CCBE1: variants seen among roughly 807,000 people sequenced by gnomAD.
CCBE1 encodes the protein collagen and calcium-binding EGF domain-containing protein 1.
In CCBE1, 37 loss-of-function variants were observed where a neutral mutation model predicts 50.0. The observed-to-expected ratio is 0.74, with a 90% confidence interval of 0.57 to 0.97. CCBE1 has a LOEUF of 0.97. Ranked by LOEUF, CCBE1 falls within the 50% of genes least tolerant of loss-of-function variation. The probability of loss-of-function intolerance (pLI) is 0.00; values close to 1 mark genes in which losing one functional copy is unlikely to be tolerated. For missense variants in CCBE1, 538 were observed against 523.8 expected, an observed-to-expected ratio of 1.03 and a Z score of -0.26; for synonymous variants, 234 against 203.7, an observed-to-expected ratio of 1.15 and a Z score of -1.27.
chr18:59,591,010 C>G (rs1384957305), intron 2 of CCBE1, among the ~76,000 whole-genome samples: 1 of 32,376 alleles, frequency 3.1e-5, no homozygotes. Context: ...TTTGGGAGGC[C>G]GAGGCGGGTG....
chr18:59,451,838 G>T (rs111777653), intron 6 of CCBE1, among the ~76,000 whole-genome samples: 26 of 152,118 alleles, frequency 1.7e-4, no homozygotes, highest in African/African-American at 6.0e-4. Context: ...CCCTTTTAAA[G>T]AACTCCCAAA....
chr18:59,595,112 C>A, intron 2 of CCBE1, among the ~76,000 whole-genome samples: 1 of 114,576 alleles, frequency 8.7e-6, no homozygotes, highest in African/African-American at 6.3e-5. Flanking sequence ...GAGACTCTGT[C>A]TCAAAAAAAA....
chr18:59,675,213 C>T (rs770679449), intron 2 of CCBE1, among the ~76,000 whole-genome samples: 29 of 152,170 alleles, frequency 1.9e-4, no homozygotes, highest in Non-Finnish European at 3.4e-4. Flanking sequence ...TGACAGAAGC[C>T]TCACTGCCAA....
At chr18:59,578,192 T>C (rs2053028008) in intron 2 of CCBE1, among the ~76,000 whole-genome samples, 2 of 152,056 alleles carry the variant, frequency 1.3e-5, no homozygotes, top group South Asian at 4.2e-4. Flanking sequence ...CCAACAAACA[T>C]GAGAAAAAGC....
intron 2 of CCBE1, among the ~76,000 whole-genome samples, chr18:59,625,297 G>A (rs1345780895): frequency 2.0e-5 from 3 of 152,134 alleles, no homozygotes; most frequent in Non-Finnish European, 4.4e-5. Context: ...TGGGTGTGGT[G>A]GTGGGCGCCT....
chr18:59,513,729 C>G (rs1354846753), intron 2 of CCBE1, among the ~76,000 whole-genome samples: 1 of 152,214 alleles, frequency 6.6e-6, no homozygotes, highest in Non-Finnish European at 1.5e-5. Context: ...ACGGGCCTGG[C>G]AATGGTAACA....
intron 2 of CCBE1, among the ~76,000 whole-genome samples, chr18:59,676,389 C>G (rs143582886): frequency 2.6e-4 from 40 of 152,332 alleles, no homozygotes; most frequent in African/African-American, 9.1e-4. Flanking sequence ...GTTGTAGGCT[C>G]TTAGCCTCAA....
chr18:59,617,550 A>G (rs1308214664), intron 2 of CCBE1, among the ~76,000 whole-genome samples: 1 of 152,218 alleles, frequency 6.6e-6, no homozygotes, highest in Non-Finnish European at 1.5e-5. Context: ...TCCGGCCAAG[A>G]GCCAGTCACA....
At chr18:59,691,345 G>T (rs2054729328) in intron 2 of CCBE1, among the ~76,000 whole-genome samples, 1 of 152,194 alleles carries the variant, frequency 6.6e-6, no homozygotes, top group African/African-American at 2.4e-5. Flanking sequence ...TGTCATTCAG[G>T]TCATTCTGCA....
intron 2 of CCBE1, among the ~76,000 whole-genome samples, chr18:59,670,571 A>G (rs1353027755): frequency 6.6e-6 from 1 of 152,182 alleles, no homozygotes; most frequent in Non-Finnish European, 1.5e-5. Context: ...CCACCTCCAT[A>G]TGAAAGTTTC....
intron 2 of CCBE1, among the ~76,000 whole-genome samples, chr18:59,562,723 C>T (rs188119914): frequency 4.6e-5 from 7 of 152,318 alleles, no homozygotes; most frequent in Non-Finnish European, 8.8e-5. Context: ...ACTACTGGCA[C>T]ACCCCCTCAT....
In CCBE1 at chr18:59,433,771, ATTT is replaced by A. The variant is rs1189904509; in HGVS notation, c.*2134_*2136del. On this transcript the variant is annotated 3_prime_UTR_variant, in exon 11 of 11. Transcript: ENST00000439986. ...AGGCGCCCACCACCACGCCCGACTA[ATTT>A]TTTGTGTTTTTAGTAGAGACAGGGT... 1 of 150,024 alleles carries A rather than the reference ATTT, an allele frequency of 6.7e-6. No individual in the cohort carries two copies. The highest frequency in any genetic ancestry group is 6.6e-5 in the Admixed American group (1 of 15,046). The allele number at this position is 150,024 out of a possible 1,614,324, so 9.3% of individuals were successfully genotyped here.
chr18:59,652,830 G>A (rs917299201), intron 2 of CCBE1, among the ~76,000 whole-genome samples: 7 of 152,154 alleles, frequency 4.6e-5, no homozygotes, highest in Non-Finnish European at 1.0e-4. Context: ...CGGGCGTGGC[G>A]GCGGGCGCCT....
intron 2 of CCBE1, among the ~76,000 whole-genome samples, chr18:59,570,592 T>C (rs763155269): frequency 6.0e-5 from 9 of 150,892 alleles, no homozygotes; most frequent in Non-Finnish European, 1.3e-4. Flanking sequence ...GAGATCACAG[T>C]GAGGGGAAGG....
chr18:59,482,396 A>G (rs1309597738), intron 2 of CCBE1, among the ~76,000 whole-genome samples: 1 of 152,240 alleles, frequency 6.6e-6, no homozygotes, highest in Non-Finnish European at 1.5e-5. Context: ...GCAATTCCTC[A>G]GGGATCTAGA....
intron 2 of CCBE1, among the ~76,000 whole-genome samples, chr18:59,551,204 T>G (rs1018151364): frequency 4.6e-5 from 7 of 152,168 alleles, no homozygotes; most frequent in Non-Finnish European, 1.0e-4. Context: ...CTGTGGCCTA[T>G]GCTCTCAGGC....
chr18:59,550,219 A>G (rs561159200), intron 2 of CCBE1, among the ~76,000 whole-genome samples: 1 of 152,212 alleles, frequency 6.6e-6, no homozygotes, highest in South Asian at 2.1e-4. Flanking sequence ...TAATTCAGGG[A>G]TTGGCAAACT....
chr18:59,651,876 A>T (rs1443209283), intron 2 of CCBE1, among the ~76,000 whole-genome samples: 1 of 152,200 alleles, frequency 6.6e-6, no homozygotes, highest in African/African-American at 2.4e-5. Context: ...GTGTGTAGCA[A>T]TCAAGTCAGT....
intron 2 of CCBE1, among the ~76,000 whole-genome samples, chr18:59,553,320 A>C (rs775307068): frequency 1.5e-4 from 23 of 152,212 alleles, no homozygotes; most frequent in Non-Finnish European, 5.9e-5. Context: ...ACAGACTTCA[A>C]AAGCACAGGG....
Sources: allele counts gnomAD v4.1 joint callset (sites outside exome capture counted in the v4.1 genomes callset), GRCh38; gene constraint gnomAD v4.1.1; transcripts MANE v1.5; gene names NCBI Gene and HGNC (gene_info 2026-07-23, HGNC 2026-07-21).